KCNMA1: variants seen among roughly 807,000 people sequenced by gnomAD.
KCNMA1 encodes potassium calcium-activated channel subfamily M alpha 1, also known as Calcium-activated potassium channel subunit alpha-1.
Under a neutral mutation model 140.0 loss-of-function variants are expected in KCNMA1, and 29 were observed. The ratio of observed to expected loss-of-function variants is 0.21; its 90% CI spans 0.15 to 0.28. The LOEUF (loss-of-function observed/expected upper bound fraction) is 0.28, where lower values mean the gene tolerates loss of function less well. Among genes scored for constraint, KCNMA1 ranks in the 10% least tolerant of loss-of-function variants. The pLI, the probability that KCNMA1 is intolerant of heterozygous loss-of-function variation, is 1.00. For synonymous variants in KCNMA1, 612 were observed against 611.9 expected (o/e 1.00, Z 0.00); for missense variants, 880 against 1,602.2 (o/e 0.55, Z 7.70).
chr10:77,524,445 T>G lies in KCNMA1; in HGVS notation c.378+112820A>C, dbSNP rs1029957322. On this transcript the variant is annotated intron_variant, in intron 1 of 27. Transcript: ENST00000286628. ...CCAAATGCTGAAGAAGCCAAGAATG[T>G]GCAAACTATGCTCTCTCAGAATAAT... Among the ~76,000 whole-genome samples, 3 of 152,234 alleles carry G rather than the reference T, an allele frequency of 2.0e-5. 1 individual carries two copies. Among genetic ancestry groups the G allele is most frequent in the Non-Finnish European group, 1.5e-5 (1 of 68,032 alleles).
intron 3 of KCNMA1, among the ~76,000 whole-genome samples, chr10:77,217,807 T>G (rs2048298522): frequency 6.6e-6 from 1 of 152,174 alleles, no homozygotes; most frequent in African/African-American, 2.4e-5. Flanking sequence ...AATAGTTGAT[T>G]CTCAGCCTCT....
intron 9 of KCNMA1, 140 bp from the exon 10 acceptor site, chr10:77,090,650 C>CCA: frequency 1.5e-6 from 1 of 686,896 alleles, no homozygotes. Context: ...AGCCCAGCTC[C>CCA]CATCCCCAGA....
intron 20 of KCNMA1, among the ~76,000 whole-genome samples, chr10:76,955,816 T>C (rs916660764): frequency 6.6e-6 from 1 of 152,196 alleles, no homozygotes; most frequent in Admixed American, 6.5e-5. Context: ...AAAGCCATCA[T>C]GGAGAAGAGG....
chr10:77,333,040 CAT>C (rs1375522195), intron 2 of KCNMA1, among the ~76,000 whole-genome samples: 1 of 152,178 alleles, frequency 6.6e-6, no homozygotes, highest in Non-Finnish European at 1.5e-5. Context: ...AAAACAAACA[CAT>C]GTTTTCATTC....
In KCNMA1 at chr10:77,011,964, T is replaced by C; in HGVS notation, c.2092+3A>G. ...AGGGGACAGGGAGAGAAACACTACTTACGCCGTTTGCAGCCACATTTTTTT... is the reference window on the plus strand; with the variant it reads ...AGGGGACAGGGAGAGAAACACTACTCACGCCGTTTGCAGCCACATTTTTTT... On this transcript the variant is annotated splice_donor_region_variant and intron_variant, in intron 18 of 27. Transcript: ENST00000286628. 6.2e-7 allele frequency: 1 copy of C among 1,613,372 alleles called. No individual in the cohort carries two copies. Among genetic ancestry groups the C allele is most frequent in the Non-Finnish European group, 8.5e-7 (1 of 1,179,360 alleles).
chr10:77,510,443 C>A (rs979229806), intron 1 of KCNMA1, among the ~76,000 whole-genome samples: 1 of 152,126 alleles, frequency 6.6e-6, no homozygotes, highest in African/African-American at 2.4e-5. Flanking sequence ...TCCTGGAAGC[C>A]TCTATGGAGT....
At chr10:77,286,236 A>G (rs188599072) in intron 2 of KCNMA1, among the ~76,000 whole-genome samples, 4 of 152,356 alleles carry the variant, frequency 2.6e-5, no homozygotes, top group Admixed American at 1.3e-4. Flanking sequence ...CTAAACATAC[A>G]GCAAAAAAGA....
intron 5 of KCNMA1, among the ~76,000 whole-genome samples, chr10:77,152,312 T>TGTGTG: frequency 1.0e-5 from 1 of 98,522 alleles, no homozygotes; most frequent in Non-Finnish European, 2.3e-5. Context: ...GTGTGTGTTG[T>TGTGTG]TGCTGTTGTC....
At chr10:77,600,941 A>T (rs1348281777) in intron 1 of KCNMA1, among the ~76,000 whole-genome samples, 3 of 152,122 alleles carry the variant, frequency 2.0e-5, no homozygotes, top group African/African-American at 7.2e-5. Flanking sequence ...ATGCTTGTCA[A>T]ACTGCCTAAC....
At chr10:76,984,763 T>C (rs1318421) in intron 19 of KCNMA1, among the ~76,000 whole-genome samples, 4,530 of 152,328 alleles carry the variant, frequency 0.03, 269 homozygotes, top group East Asian at 0.2. Flanking sequence ...AACATGTATT[T>C]AACTTGGACT....
At chr10:77,322,623 A>T (rs2082692026) in intron 2 of KCNMA1, among the ~76,000 whole-genome samples, 1 of 152,204 alleles carries the variant, frequency 6.6e-6, no homozygotes, top group African/African-American at 2.4e-5. Context: ...ACTCCTTAGA[A>T]ACAGAATGAA....
intron 20 of KCNMA1, among the ~76,000 whole-genome samples, chr10:76,965,799 G>A (rs1378064474): frequency 1.3e-5 from 2 of 152,156 alleles, no homozygotes; most frequent in Non-Finnish European, 2.9e-5. Context: ...AGGACTCAGT[G>A]AGTTACAGGC....
intron 1 of KCNMA1, chr10:77,636,172 CAGAA>C (rs2093701266): frequency 7.1e-7 from 1 of 1,413,332 alleles, no homozygotes; most frequent in African/African-American, 1.4e-5. Flanking sequence ...GGGAATTACT[CAGAA>C]AGAAGGCAGC....
intron 13 of KCNMA1, among the ~76,000 whole-genome samples, chr10:77,075,109 C>T (rs1185270810): frequency 2.0e-5 from 3 of 152,194 alleles, no homozygotes; most frequent in Non-Finnish European, 4.4e-5. Flanking sequence ...GATGACAGTG[C>T]CCTCCCTGAT....
intron 2 of KCNMA1, among the ~76,000 whole-genome samples, chr10:77,300,624 T>C (rs1353802532): frequency 6.6e-6 from 1 of 152,230 alleles, no homozygotes; most frequent in Non-Finnish European, 1.5e-5. Context: ...CAATGGTGCA[T>C]CTTTCTCATC....
At chr10:77,102,456 T>G (rs1305321205) in intron 9 of KCNMA1, among the ~76,000 whole-genome samples, 1 of 152,068 alleles carries the variant, frequency 6.6e-6, no homozygotes, top group Non-Finnish European at 1.5e-5. Context: ...GACACAGAGT[T>G]TAAAAATAAC....
chr10:77,413,610 T>C (rs560479632), intron 1 of KCNMA1, among the ~76,000 whole-genome samples: 1 of 152,114 alleles, frequency 6.6e-6, no homozygotes, highest in East Asian at 1.9e-4. Flanking sequence ...ACCAGAGAAA[T>C]AGGGCAACAG....
chr10:77,616,662 C>T (rs1401019215), intron 1 of KCNMA1, among the ~76,000 whole-genome samples: 2 of 152,130 alleles, frequency 1.3e-5, no homozygotes, highest in East Asian at 3.9e-4. Context: ...AGAAATTAGC[C>T]GGACATGGTG....
chr10:77,407,107 G>T (rs536635549), intron 1 of KCNMA1, among the ~76,000 whole-genome samples: 1 of 152,344 alleles, frequency 6.6e-6, no homozygotes, highest in East Asian at 1.9e-4. Flanking sequence ...GAAAAACACA[G>T]ACTAAAGGGA....
Sources: gnomAD v4.1 joint callset for allele counts (sites outside exome capture counted in the v4.1 genomes callset) on GRCh38, gnomAD v4.1.1 for gene constraint, MANE v1.5 for transcripts, NCBI Gene and HGNC (gene_info 2026-07-23, HGNC 2026-07-21) for gene names.